PVT1: variants seen among roughly 807,000 people sequenced by gnomAD.
PVT1 encodes CXCR4/PVT1 fusion.
intron 5 of PVT1, among the ~76,000 whole-genome samples, chr8:128,091,339 C>G (rs1343350454): frequency 1.3e-5 from 2 of 152,174 alleles, no homozygotes; most frequent in African/African-American, 4.8e-5. Flanking sequence ...GTCGGCTAAG[C>G]CTGCACTGCT....
Position 127,959,302 on chromosome 8 carries a change from C to T in PVT1, n.783-29860C>T, listed in dbSNP as rs187411455. 9.0e-3 allele frequency among the ~76,000 whole-genome samples: 1,373 copies of T among 152,046 alleles called. 11 individuals are homozygous for T. Among genetic ancestry groups the T allele is most frequent in the Non-Finnish European group, 0.016 (1,055 of 67,960 alleles). On this transcript the variant is annotated intron_variant and non_coding_transcript_variant, in intron 3 of 10. Transcript: ENST00000651587. ...TCTGGGGATATAAAAGTTAAAAGAC[C>T]CAGGCTGGGCGCGGTGGCTCACGCC... is the stretch of plus-strand genomic sequence containing the variant.
intron 3 of PVT1, among the ~76,000 whole-genome samples, chr8:127,976,002 C>T (rs959096039): frequency 1.3e-5 from 2 of 152,190 alleles, no homozygotes; most frequent in African/African-American, 4.8e-5. Context: ...CTGGAACCTT[C>T]CTCTGTAGGA....
Position 127,898,085 on chromosome 8 carries a change from GGGAA to G in PVT1, n.782+7100_782+7103del, listed in dbSNP as rs1302919514. 1.4e-5 allele frequency among the ~76,000 whole-genome samples: 2 copies of G among 146,184 alleles called. No individual in the cohort carries two copies. Among genetic ancestry groups the G allele is most frequent in the African/African-American group, 5.1e-5 (2 of 39,420 alleles). On this transcript the variant is annotated intron_variant and non_coding_transcript_variant, in intron 3 of 10. Transcript: ENST00000651587. This position sits in a 1 kb window ranked among gnomAD's most constrained non-coding sequence, Gnocchi z 4.4. ...AAGAAAGAAAAGAAAAGAAAGAAAA[GGGAA>G]GGAAGGAAGGAAAGAAGGAAGGAAG...
intron 2 of PVT1, among the ~76,000 whole-genome samples, chr8:127,862,965 A>G (rs1815244288): frequency 6.6e-6 from 1 of 152,002 alleles, no homozygotes; most frequent in African/African-American, 2.4e-5. Context: ...TGGATTCGAC[A>G]CCTCCATTTC....
At chr8:127,926,493 C>T (rs1168273728) in intron 3 of PVT1, among the ~76,000 whole-genome samples, 1 of 152,206 alleles carries the variant, frequency 6.6e-6, no homozygotes, top group African/African-American at 2.4e-5. Context: ...CTGCACCAGC[C>T]CTGGCTGACT....
chr8:127,801,467 C>G (rs1814464549), intron 2 of PVT1, among the ~76,000 whole-genome samples: 1 of 152,154 alleles, frequency 6.6e-6, no homozygotes, highest in African/African-American at 2.4e-5. Context: ...TCTCAAACTC[C>G]TGAACTCAAG....
At chr8:127,855,320 G>T (rs1815149500) in intron 2 of PVT1, 1 of 397,824 alleles carries the variant, frequency 2.5e-6, no homozygotes, top group Non-Finnish European at 4.4e-6. Flanking sequence ...ACCCCTAAGG[G>T]TTAGTGTCTG....
At chr8:127,860,115 G>T (rs1815204388) in intron 2 of PVT1, among the ~76,000 whole-genome samples, 1 of 152,156 alleles carries the variant, frequency 6.6e-6, no homozygotes, top group Admixed American at 6.5e-5. Context: ...TCTGGGCAGG[G>T]CCACTTCCTA....
intron 4 of PVT1, among the ~76,000 whole-genome samples, chr8:128,037,234 C>T (rs1459612128): frequency 1.3e-5 from 2 of 152,262 alleles, no homozygotes; most frequent in African/African-American, 4.8e-5. Flanking sequence ...GTCCATTTTA[C>T]AGTCTCCTCA....
At chr8:127,897,027 C>T (rs61029984) in intron 3 of PVT1, among the ~76,000 whole-genome samples, 20 of 152,148 alleles carry the variant, frequency 1.3e-4, no homozygotes, top group Admixed American at 1.3e-3. Context: ...TTGCAGCCCC[C>T]TCCTCCTGGG....
intron 3 of PVT1, chr8:127,946,441 G>A (rs567332982): frequency 3.3e-5 from 5 of 152,192 alleles, no homozygotes; most frequent in South Asian, 2.1e-4. Context: ...TCATGATAGC[G>A]AGGAAATGGT....
intron 4 of PVT1, chr8:127,996,544 T>G (rs1174554821): frequency 6.6e-6 from 1 of 151,962 alleles, no homozygotes; most frequent in Admixed American, 6.6e-5. Context: ...CATACTGGCA[T>G]TTTTCTTCTT....
At chr8:127,832,738 G>A (rs867459294) in intron 2 of PVT1, among the ~76,000 whole-genome samples, 8 of 152,092 alleles carry the variant, frequency 5.3e-5, no homozygotes, top group African/African-American at 1.4e-4. Context: ...GGTGCCTGTA[G>A]TCCCAGCTAC....
chr8:127,804,231 A>C lies in PVT1; in HGVS notation n.372+8160A>C, dbSNP rs191974398. Among the ~76,000 whole-genome samples, 657 of 152,256 alleles carry C rather than the reference A, an allele frequency of 4.3e-3. 24 individuals carry two copies. Among genetic ancestry groups the C allele is most frequent in the Admixed American group, 0.038 (575 of 15,290 alleles). ...ACCCTGTCTCTAAAATAAATAAATAAATTTTTAAAAGCTGGGAGGTGGGGT... is the reference window on the plus strand; with the variant it reads ...ACCCTGTCTCTAAAATAAATAAATACATTTTTAAAAGCTGGGAGGTGGGGT... On this transcript the variant is annotated intron_variant and non_coding_transcript_variant, in intron 2 of 10. Coordinates refer to ENST00000651587, the Ensembl canonical transcript of PVT1.
At chr8:127,831,615 G>A (rs1176393185) in intron 2 of PVT1, among the ~76,000 whole-genome samples, 2 of 152,160 alleles carry the variant, frequency 1.3e-5, no homozygotes, top group Non-Finnish European at 2.9e-5. Flanking sequence ...AGTGGTAGGG[G>A]TAGAAGTTGG....
At chr8:128,041,227 ATGTGTGTGTGTTGTT>A (rs1344786898) in intron 4 of PVT1, among the ~76,000 whole-genome samples, 4 of 67,270 alleles carry the variant, frequency 5.9e-5, no homozygotes, top group East Asian at 9.3e-4. Flanking sequence ...GTGTGTGTGC[ATGTGTGTGTGTTGTT>A]TGTGTGTGTG....
chr8:128,026,624 C>T (rs1813293005), intron 4 of PVT1, among the ~76,000 whole-genome samples: 1 of 152,124 alleles, frequency 6.6e-6, no homozygotes, highest in Non-Finnish European at 1.5e-5. Context: ...TGCACCAGGG[C>T]AGGCTGGAGG....
At chr8:128,036,264 A>G (rs1319308294) in intron 4 of PVT1, among the ~76,000 whole-genome samples, 6 of 152,204 alleles carry the variant, frequency 3.9e-5, no homozygotes, top group Non-Finnish European at 8.8e-5. Context: ...TAAGGGTAAT[A>G]GTGATTTCCA....
intron 5 of PVT1, among the ~76,000 whole-genome samples, chr8:128,095,746 C>T (rs1272085353): frequency 2.6e-5 from 4 of 152,214 alleles, no homozygotes; most frequent in African/African-American, 9.7e-5. Context: ...TGAGGATGAT[C>T]ACGGATTTCA....
Sources: gnomAD v4.1 joint callset for allele counts (sites outside exome capture counted in the v4.1 genomes callset) on GRCh38, gnomAD v4.1.1 for gene constraint, Gnocchi (gnomAD v3.1) non-coding constraint, MANE v1.5 for transcripts, NCBI Gene and HGNC (gene_info 2026-07-23, HGNC 2026-07-21) for gene names.